Variants in STAB2 observed in about 807,000 individuals in gnomAD.
STAB2 encodes the protein stabilin 2, also known as stabilin-2.
A neutral mutation model predicts 338.1 loss-of-function variants in STAB2; 288 were observed. The observed-to-expected ratio is 0.85, with a 90% CI of 0.77 to 0.94. The LOEUF is 0.94. Ranked by LOEUF, STAB2 falls within the 40% of genes least tolerant of loss-of-function variation. The pLI is 0.00. For missense variants in STAB2, 3,141 were observed against 3,210.1 expected (o/e 0.98, Z 0.52); for synonymous variants, 1,202 against 1,193.3 (o/e 1.01, Z -0.15).
At chr12:103,750,393 G>A (rs932223152) in intron 59 of STAB2, among the ~76,000 whole-genome samples, 186 bp from the exon 60 acceptor site, 7 of 152,344 alleles carry the variant, frequency 4.6e-5, no homozygotes, top group African/African-American at 1.7e-4. Flanking sequence ...GAGATGTAAA[G>A]GATGAGGTTT....
At chr12:103,598,243 T>A (rs541384862) in intron 3 of STAB2, among the ~76,000 whole-genome samples, 1 of 152,318 alleles carries the variant, frequency 6.6e-6, no homozygotes, top group African/African-American at 2.4e-5. Flanking sequence ...TAAACAAAGG[T>A]GGTGACATGG....
At chr12:103,678,573 C>T (rs1876604019) in intron 25 of STAB2, among the ~76,000 whole-genome samples, 1 of 152,194 alleles carries the variant, frequency 6.6e-6, no homozygotes. Context: ...GTCGCCCAGG[C>T]TGGAGTGCAG....
At chr12:103,703,594 T>G (rs1012446980) in intron 35 of STAB2, among the ~76,000 whole-genome samples, 1 of 152,132 alleles carries the variant, frequency 6.6e-6, no homozygotes, top group Non-Finnish European at 1.5e-5. Context: ...ACCATGGCTT[T>G]CTTCAAAGGG....
chr12:103,737,742 G>A lies in STAB2; in HGVS notation c.5659G>A (p.Gly1887Arg). 1 of 1,613,886 alleles carries A rather than the reference G, an allele frequency of 6.2e-7. No homozygotes were observed. Among genetic ancestry groups the A allele is most frequent in the East Asian group, 2.2e-5 (1 of 44,860 alleles). ...IDCLLIDPTL[G>R]GRCDTFTTFD... ...CTGTCTGCTGATTGATCCCACCCTGGGGGGCCGCTGTGACACCTTTACTAC... is the reference window on the plus strand; with the variant it reads ...CTGTCTGCTGATTGATCCCACCCTGAGGGGCCGCTGTGACACCTTTACTAC... Residue 1887 changes from glycine (G) to arginine (R), a missense_variant, in exon 53 of 69, where the codon GGG becomes AGG. Transcript: ENST00000388887.
intron 27 of STAB2, among the ~76,000 whole-genome samples, chr12:103,686,112 A>G (rs1352935177): frequency 6.6e-6 from 1 of 152,210 alleles, no homozygotes; most frequent in Admixed American, 6.5e-5. Flanking sequence ...GAGAAAGTCA[A>G]TTGACAAATT....
At chr12:103,676,246 A>C (rs1876357000) in intron 24 of STAB2, among the ~76,000 whole-genome samples, 1 of 151,758 alleles carries the variant, frequency 6.6e-6, no homozygotes, top group Non-Finnish European at 1.5e-5. Context: ...TTTTTAGTAG[A>C]CAGGGTTTCA....
intron 26 of STAB2, among the ~76,000 whole-genome samples, chr12:103,684,302 G>A (rs144124326): frequency 6.6e-5 from 10 of 152,262 alleles, no homozygotes; most frequent in Admixed American, 2.6e-4. Context: ...ATATGAGTCC[G>A]TCAATTGTGG....
chr12:103,618,888 G>A (rs537959676), intron 3 of STAB2, among the ~76,000 whole-genome samples: 2 of 152,258 alleles, frequency 1.3e-5, no homozygotes, highest in African/African-American at 4.8e-5. Context: ...CCCAGGGGGA[G>A]GTAATTGAAT....
At chr12:103,667,403 C>A (rs1324741987) in intron 19 of STAB2, among the ~76,000 whole-genome samples, 1 of 152,154 alleles carries the variant, frequency 6.6e-6, no homozygotes, top group African/African-American at 2.4e-5. Context: ...TCACCATAAC[C>A]AATGTATGAT....
At chr12:103,700,633 C>T (rs1878780168) in intron 34 of STAB2, among the ~76,000 whole-genome samples, 1 of 152,094 alleles carries the variant, frequency 6.6e-6, no homozygotes, top group Non-Finnish European at 1.5e-5. Flanking sequence ...GACAGAGCTT[C>T]GTTTTTGCTT....
intron 38 of STAB2, 100 bp from the exon 39 acceptor site, chr12:103,708,341 G>T (rs1474960940): frequency 4.3e-6 from 5 of 1,167,982 alleles, no homozygotes; most frequent in East Asian, 2.4e-5. Context: ...CTAGAAGTAG[G>T]TTGGAGAATT....
intron 33 of STAB2, among the ~76,000 whole-genome samples, chr12:103,698,163 A>G (rs998935201): frequency 1.3e-5 from 2 of 152,132 alleles, no homozygotes; most frequent in Non-Finnish European, 2.9e-5. Flanking sequence ...AGAGCTTCTC[A>G]TTGGCAGACC....
intron 34 of STAB2, among the ~76,000 whole-genome samples, chr12:103,699,666 A>T (rs1487907857): frequency 6.6e-6 from 1 of 152,214 alleles, no homozygotes; most frequent in Non-Finnish European, 1.5e-5. Flanking sequence ...CAGCCAAACC[A>T]TGTCAACTTC....
In STAB2 at chr12:103,758,245, G is replaced by A. The variant is rs751794709; in HGVS notation, c.7063G>A (p.Gly2355Ser). 93 of 1,613,914 alleles carry A rather than the reference G, an allele frequency of 5.8e-5. No homozygotes were observed. The highest frequency in any genetic ancestry group is 7.5e-5 in the Non-Finnish European group (89 of 1,180,038). Reference protein sequence around the residue: ...LEHLTDLSIRGTLFVPQNSGL... With the variant: ...LEHLTDLSIRSTLFVPQNSGL... ...ACACCTGACTGACCTGTCCATCCGC[G>A]GCACCCTCTTTGTGCCACAGAACAG... The change falls in exon 64 of 69, where the codon GGC (glycine) becomes AGC (serine). Residue 2355 changes from glycine to serine, a missense_variant. Gly to Ser is a moderately conservative substitution (Grantham distance 56). Coordinates refer to ENST00000388887, the MANE Select transcript of STAB2 (RefSeq NM_017564.10).
intron 23 of STAB2, among the ~76,000 whole-genome samples, chr12:103,675,667 A>T (rs1490151593): frequency 1.3e-5 from 2 of 152,244 alleles, no homozygotes; most frequent in Admixed American, 6.5e-5. Flanking sequence ...CATTTTCCTC[A>T]TGAGAAATAA....
chr12:103,745,071 G>C, intron 56 of STAB2, 102 bp from the exon 57 acceptor site: 1 of 924,206 alleles, frequency 1.1e-6, no homozygotes. Flanking sequence ...ACATAAGCAT[G>C]GTGCCTCCCA....
intron 19 of STAB2, among the ~76,000 whole-genome samples, chr12:103,667,548 G>GT (rs1875250798): frequency 6.6e-6 from 1 of 152,124 alleles, no homozygotes; most frequent in South Asian, 2.1e-4. Flanking sequence ...AAGGAAGAGG[G>GT]AAAAGAAAGG....
rs150431315 is a variant in STAB2 at position 103,674,570 on chromosome 12, T to A, written c.2552+483T>A. ...ACTTTTTAAGGCTGTTAATAATTGC[T>A]CCCCTGTTAAAGGCATCTTGCAGGA... On this transcript the variant is annotated intron_variant, in intron 23 of 68. Coordinates refer to ENST00000388887, the MANE Select transcript of STAB2 (RefSeq NM_017564.10). 2.1e-3 allele frequency among the ~76,000 whole-genome samples: 320 copies of A among 152,350 alleles called. 1 individual carries two copies. Among genetic ancestry groups the A allele is most frequent in the Non-Finnish European group, 3.4e-3 (233 of 68,044 alleles).
chr12:103,654,687 A>G lies in STAB2; in HGVS notation c.1540A>G (p.Ser514Gly). 2 of 1,613,846 alleles carry G rather than the reference A, an allele frequency of 1.2e-6. No homozygotes were observed. The highest frequency in any genetic ancestry group is 1.7e-6 in the Non-Finnish European group (2 of 1,179,938). The stretch of plus-strand genomic sequence containing the variant: ...GGACAAGTTAGAACCCACATTTGAG[A>G]GCAACAATGAGGTGAGTATTCAGAT... The part of the protein sequence containing the change: ...AMDKLEPTFE[S>G]NNEQTIMTML... Residue 514 changes from serine to glycine, a missense_variant, in exon 13 of 69, where the codon AGC becomes GGC. Physicochemically the swap from Ser to Gly is moderately conservative, Grantham distance 56. Coordinates refer to ENST00000388887, the MANE Select transcript of STAB2 (RefSeq NM_017564.10).
Sources: allele counts gnomAD v4.1 joint callset (sites outside exome capture counted in the v4.1 genomes callset), GRCh38; gene constraint gnomAD v4.1.1; transcripts MANE v1.5; gene names NCBI Gene and HGNC (gene_info 2026-07-23, HGNC 2026-07-21).